Variants in ATP2A3 observed in about 807,000 individuals in gnomAD.
ATP2A3 encodes the protein ATPase sarcoplasmic/endoplasmic reticulum Ca2+ transporting 3, also known as sarcoplasmic/endoplasmic reticulum calcium ATPase 3.
ATP2A3 carries 61 observed loss-of-function variants against 106.8 expected under a neutral mutation model. The observed-to-expected ratio is 0.57, with a 90% CI of 0.46 to 0.71. The LOEUF (loss-of-function observed/expected upper bound fraction) is 0.71. ATP2A3 is among the 30% of genes least tolerant of loss of function. The pLI is 0.00. For synonymous variants in ATP2A3, 611 were observed against 609.3 expected, an observed-to-expected ratio of 1.00 and a Z score of -0.04; for missense variants, 1,201 against 1,423.5, an observed-to-expected ratio of 0.84 and a Z score of 2.52.
intron 17 of ATP2A3, among the ~76,000 whole-genome samples, chr17:3,931,608 G>A (rs998335432): frequency 6.7e-6 from 1 of 149,130 alleles, no homozygotes; most frequent in Non-Finnish European, 1.5e-5. Context: ...TGCAAGCTCC[G>A]CCTCCCGGGT....
rs180691302 is a variant in ATP2A3, at chr17:3,949,794, A to G, written c.630+717T>C. Among the ~76,000 whole-genome samples, 83 of 152,316 alleles carry G rather than the reference A, an allele frequency of 5.4e-4. 1 individual carries two copies. Among genetic ancestry groups the G allele is most frequent in the Non-Finnish European group, 1.0e-4 (7 of 68,024 alleles). On this transcript the variant is annotated intron_variant, in intron 7 of 20. Coordinates refer to ENST00000397041, the MANE Select transcript of ATP2A3 (RefSeq NM_005173.4). ...ACACAGTCCCCAGTAAACACAAGCTATTATTATTACTATAAATTTGCATGT... is the reference window on the plus strand; with the variant it reads ...ACACAGTCCCCAGTAAACACAAGCTGTTATTATTACTATAAATTTGCATGT...
At chr17:3,935,369 G>A in intron 16 of ATP2A3, 92 bp from the exon 17 acceptor site, 1 of 1,252,026 alleles carries the variant, frequency 8.0e-7, no homozygotes, top group Non-Finnish European at 1.1e-6. Flanking sequence ...ATTCCCTGCA[G>A]GGAGCCACCC....
In ATP2A3 at chr17:3,942,372, G is replaced by T. The variant is rs185850353; in HGVS notation, c.1545+234C>A. 4.6e-5 allele frequency among the ~76,000 whole-genome samples: 7 copies of T among 152,352 alleles called. No homozygotes were observed. The East Asian group carries it at 1.4e-3, about 29-fold the overall frequency. The stretch of plus-strand genomic sequence containing the variant: ...AGCAGCAACGGAGACGCTGTAGACA[G>T]TGGTCTGCAAGGGAGTCGATTCCTT... On this transcript the variant is annotated intron_variant, in intron 12 of 20. Transcript: ENST00000397041.
intron 7 of ATP2A3, among the ~76,000 whole-genome samples, chr17:3,948,275 C>T (rs1337554601): frequency 6.6e-6 from 1 of 152,214 alleles, no homozygotes; most frequent in Non-Finnish European, 1.5e-5. Context: ...ATCCAGAAAA[C>T]CTGAGCCTCA....
In ATP2A3 at chr17:3,925,396, C is replaced by T. The variant is rs529325472; in HGVS notation, c.*26G>A. ...GGCACCATCAGTCTGAGGTACACACCGGAGACTCCACTCTGTTCCCAGCGC... is the reference window on the plus strand; with the variant it reads ...GGCACCATCAGTCTGAGGTACACACTGGAGACTCCACTCTGTTCCCAGCGC... On this transcript the variant is annotated 3_prime_UTR_variant, in exon 21 of 21. Coordinates refer to ENST00000397041, the MANE Select transcript of ATP2A3 (RefSeq NM_005173.4). This position sits in a 1 kb window ranked among gnomAD's most constrained non-coding sequence, Gnocchi z 4.2. 6.2e-6 allele frequency: 10 copies of T among 1,613,768 alleles called. No homozygotes were observed. Among genetic ancestry groups the T allele is most frequent in the Middle Eastern group, 1.6e-4 (1 of 6,082 alleles).
chr17:3,946,179 C>T lies in ATP2A3; in HGVS notation c.1096-1031G>A, dbSNP rs575214630. 9.5e-5 allele frequency among the ~76,000 whole-genome samples: 14 copies of T among 147,758 alleles called. No homozygotes were observed. In the South Asian group the frequency reaches 1.7e-3, roughly 18 times the overall value. ...AAGAGAATCGCCTGAACCCAGAAGG[C>T]GGAGGTTGCAGCCAAGATCGTGCCA... On this transcript the variant is annotated intron_variant, in intron 8 of 20. Transcript: ENST00000397041.
In ATP2A3 at chr17:3,925,076, T is replaced by G; in HGVS notation, c.*346A>C. On this transcript the variant is annotated 3_prime_UTR_variant, in exon 21 of 21. Coordinates refer to ENST00000397041, the MANE Select transcript of ATP2A3 (RefSeq NM_005173.4). The surrounding 1 kb of genome is among the most constrained non-coding windows in gnomAD (Gnocchi z 4.2). ...GGGGAGCAAGCTCCAGCTGCACTCG[T>G]GATTTGGGGGTGGGGGGGCCCCGGA... is the stretch of plus-strand genomic sequence containing the variant. 1 of 499,858 alleles carries G rather than the reference T, an allele frequency of 2.0e-6. No homozygotes were observed. The highest frequency in any genetic ancestry group is 3.7e-6 in the Non-Finnish European group (1 of 273,462). The allele number at this position is 499,858 out of a possible 1,614,324, so 31.0% of individuals were successfully genotyped here.
chr17:3,941,516 G>C lies in ATP2A3; in HGVS notation c.1684C>G (p.Leu562Val). Residue 562 changes from leucine (L) to valine (V), a missense_variant, in exon 13 of 21, where the codon CTG (leucine) becomes GTG (valine). Physicochemically the swap from Leu to Val is conservative, Grantham distance 32 (BLOSUM62 1). This residue lies in a region of ATP2A3 where 935 missense variants were observed against 1,176.7 expected (regional missense o/e 0.79). Transcript: ENST00000397041. ...GGCGCGTCCCGGGTGGCCAGTGCCAGGCAGCGCAGCGTGTCTGAGCCTGAG... is the reference window on the plus strand; with the variant it reads ...GGCGCGTCCCGGGTGGCCAGTGCCACGCAGCGCAGCGTGTCTGAGCCTGAG... ...WGSGSDTLRC[L>V]ALATRDAPPR... The C allele has an allele frequency of 3.1e-6, 5 of 1,613,858 alleles. No individual in the cohort carries two copies. The highest frequency in any genetic ancestry group is 4.2e-6 in the Non-Finnish European group (5 of 1,179,914).
At chr17:3,939,587 G>C (rs1222931400) in intron 14 of ATP2A3, among the ~76,000 whole-genome samples, 1 of 151,784 alleles carries the variant, frequency 6.6e-6, no homozygotes, top group African/African-American at 2.4e-5. Flanking sequence ...AAGAGATTGA[G>C]ACCATCCTGG....
At chr17:3,962,078 G>T (rs1196838600) in intron 1 of ATP2A3, among the ~76,000 whole-genome samples, 1 of 152,176 alleles carries the variant, frequency 6.6e-6, no homozygotes, top group African/African-American at 2.4e-5. Context: ...TGATCTGAGA[G>T]AAGAGCCCTC....
chr17:3,936,951 TCA>T lies in ATP2A3; in HGVS notation c.2321+463_2321+464del. The stretch of plus-strand genomic sequence containing the variant: ...CATGTGAATACGAGTGTGTGCACAG[TCA>T]CACGCCGGCACAAATCCTTCTGCTT... On this transcript the variant is annotated intron_variant, in intron 15 of 20. Transcript: ENST00000397041. This position sits in a 1 kb window ranked among gnomAD's most constrained non-coding sequence, Gnocchi z 5.4. 1 of 325,620 alleles carries T rather than the reference TCA, an allele frequency of 3.1e-6. No homozygotes were observed. The highest frequency in any genetic ancestry group is 6.0e-6 in the Non-Finnish European group (1 of 167,284). The allele number at this position is 325,620 out of a possible 1,614,324, so 20.2% of individuals were successfully genotyped here.
In ATP2A3 at chr17:3,937,470, T is replaced by C. The variant is rs918030666; in HGVS notation, c.2267A>G (p.Asn756Ser). Residue 756 changes from asparagine to serine, a missense_variant, in exon 15 of 21, where the codon AAC (asparagine) becomes AGC (serine). Around this residue, in one of 2 missense-constraint regions of ATP2A3, gnomAD observed 935 missense variants for 1,176.7 expected, o/e 0.79. Transcript: ENST00000397041. ...GAGGTAGCGGATGAATTGCTTCATG[T>C]TGCTGTAGATGGCCCGGCCCTCCTC... is the stretch of plus-strand genomic sequence containing the variant. ...AVEEGRAIYSNMKQFIRYLIS... is the reference protein window; with the variant it reads ...AVEEGRAIYSSMKQFIRYLIS... 2 of 1,612,914 alleles carry C rather than the reference T, an allele frequency of 1.2e-6. No individual in the cohort carries two copies. The highest frequency in any genetic ancestry group is 1.7e-6 in the Non-Finnish European group (2 of 1,179,160).
intron 1 of ATP2A3, among the ~76,000 whole-genome samples, chr17:3,960,795 G>A (rs1035756266): frequency 6.6e-6 from 1 of 152,220 alleles, no homozygotes; most frequent in African/African-American, 2.4e-5. Flanking sequence ...GAGAAGTTTA[G>A]TGACAGCTGA....
intron 7 of ATP2A3, among the ~76,000 whole-genome samples, chr17:3,949,127 CA>C (rs869265323): frequency 0.025 from 1,485 of 59,974 alleles, 5 homozygotes; most frequent in African/African-American, 0.079. Context: ...GACTCTGTCT[CA>C]AAAAAAAAAA....
chr17:3,936,334 C>G lies in ATP2A3; in HGVS notation c.2457G>C (p.Lys819Asn), dbSNP rs1432468503. 6 of 1,614,124 alleles carry G rather than the reference C, an allele frequency of 3.7e-6. No individual in the cohort carries two copies. The highest frequency in any genetic ancestry group is 2.2e-5 in the East Asian group (1 of 44,890). ...GGGCTTCTCGGGGGCTCCGGGGCAG[C>G]TTCTCCATGATGTCCAGGTCTGGCG... ...FNPPDLDIME[K>N]LPRSPREALI... Residue 819 changes from lysine (K) to asparagine (N), a missense_variant, in exon 16 of 21, where the codon AAG becomes AAC. Lys to Asn is a moderately conservative substitution (Grantham distance 94). This residue lies in a region of ATP2A3 where 935 missense variants were observed against 1,176.7 expected (regional missense o/e 0.79). Transcript: ENST00000397041. This position sits in a 1 kb window ranked among gnomAD's most constrained non-coding sequence, Gnocchi z 5.4.
At chr17:3,949,712 T>C (rs1597645836) in intron 7 of ATP2A3, among the ~76,000 whole-genome samples, 1 of 152,190 alleles carries the variant, frequency 6.6e-6, no homozygotes, top group African/African-American at 2.4e-5. Flanking sequence ...TTTCAAAGAT[T>C]TGGTGTTAAG....
rs752466680 is a variant in ATP2A3, at chr17:3,928,127, C to G, written c.2980+536G>C. 3.7e-6 allele frequency: 6 copies of G among 1,600,678 alleles called. No individual in the cohort carries two copies. In the East Asian group the frequency reaches 8.9e-5, roughly 24 times the overall value. On this transcript the variant is annotated intron_variant, in intron 20 of 20. Transcript: ENST00000397041. This position sits in a 1 kb window ranked among gnomAD's most constrained non-coding sequence, Gnocchi z 6.1. ...TGTCCCAGCCCACTTCTCTCCAGCC[C>G]GACACCTGCCATCCTGTCCTCTCCA...
Position 3,928,902 on chromosome 17 carries a change from C to A in ATP2A3, c.2863-122G>T. The A allele has an allele frequency of 1.4e-6, 1 of 703,208 alleles. No individual in the cohort carries two copies. Among genetic ancestry groups the A allele is most frequent in the Non-Finnish European group, 2.4e-6 (1 of 408,540 alleles). The allele number at this position is 703,208 out of a possible 1,614,324, so 43.6% of individuals were successfully genotyped here. A position where few individuals can be genotyped will look rare whatever the true frequency, so the allele number is the denominator to read the frequency against. On this transcript the variant is annotated intron_variant, in intron 19 of 20. Coordinates refer to ENST00000397041, the MANE Select transcript of ATP2A3 (RefSeq NM_005173.4). The surrounding 1 kb of genome is among the most constrained non-coding windows in gnomAD (Gnocchi z 6.1). Reference sequence around the variant, plus strand: ...TCTTCATGAGCGCTCCTAAGAACCCCCTGGATGCACCCCCGATCTTTGTCC... The same window carrying A: ...TCTTCATGAGCGCTCCTAAGAACCCACTGGATGCACCCCCGATCTTTGTCC...
rs759083135 is a variant in ATP2A3 at position 3,953,462 on chromosome 17, C to T, written c.137-33G>A. ...CGGGGGTCATGTGTGAGGCTGGGCC[C>T]CCACCACTGACCCTGCCCACTCAGA... is the stretch of plus-strand genomic sequence containing the variant. On this transcript the variant is annotated intron_variant, in intron 2 of 20. Coordinates refer to ENST00000397041, the MANE Select transcript of ATP2A3 (RefSeq NM_005173.4). This position sits in a 1 kb window ranked among gnomAD's most constrained non-coding sequence, Gnocchi z 5.1. 7.5e-6 allele frequency: 12 copies of T among 1,607,892 alleles called. No individual in the cohort carries two copies. Among genetic ancestry groups the T allele is most frequent in the South Asian group, 5.5e-5 (5 of 90,964 alleles).
Sources: allele counts gnomAD v4.1 joint callset (sites outside exome capture counted in the v4.1 genomes callset), GRCh38; gene constraint gnomAD v4.1.1; regional missense constraint gnomAD v4.1.1; non-coding constraint Gnocchi (gnomAD v3.1); transcripts MANE v1.5; gene names NCBI Gene and HGNC (gene_info 2026-07-23, HGNC 2026-07-21).